Variants in DIS3L2 observed in about 807,000 individuals in gnomAD.
DIS3L2 encodes DIS3 like 3'-5' exoribonuclease 2.
DIS3L2 carries 34 observed loss-of-function variants against 97.5 expected under a neutral mutation model. That is an observed-to-expected ratio of 0.35 (90% CI 0.27 to 0.46). The LOEUF (loss-of-function observed/expected upper bound fraction) is 0.46. Ranked by LOEUF, DIS3L2 falls within the 20% of genes least tolerant of loss-of-function variation. The pLI, the probability that DIS3L2 is intolerant of heterozygous loss-of-function variation, is 1.00. For missense variants in DIS3L2, 1,038 were observed against 1,146.0 expected (o/e 0.91, Z 1.36); for synonymous variants, 435 against 445.2 (o/e 0.98, Z 0.29).
intron 16 of DIS3L2, chr2:232,331,930 T>C (rs1353232634): frequency 6.6e-6 from 1 of 152,242 alleles, no homozygotes; most frequent in African/African-American, 2.4e-5. Flanking sequence ...TTACCAGGTC[T>C]GCGGTGCTCC....
In DIS3L2 at chr2:232,283,723, C is replaced by T. The variant is rs559337975; in HGVS notation, c.1660-16317C>T. Among the ~76,000 whole-genome samples the T allele has an allele frequency of 3.9e-5, 6 of 152,242 alleles. No individual in the cohort carries two copies. The South Asian group carries it at 1.2e-3, about 32-fold the overall frequency. ...CTGTATGATTCCATTTAGGTAACAT[C>T]CTCAAAATGACAGATTTATAGAGAA... On this transcript the variant is annotated intron_variant, in intron 13 of 20. Transcript: ENST00000325385.
chr2:232,060,804 A>T (rs1695682694), intron 5 of DIS3L2, among the ~76,000 whole-genome samples: 1 of 152,080 alleles, frequency 6.6e-6, no homozygotes, highest in African/African-American at 2.4e-5. Context: ...ATATCTTTCC[A>T]TTTTTTGTGT....
chr2:232,343,350 C>T lies in DIS3L2; in HGVS notation c.1587C>T (p.Asn529=), dbSNP rs556095213. 2.3e-4 allele frequency: 358 copies of T among 1,555,946 alleles called. 1 individual carries two copies. The African/African-American group carries it at 3.6e-3, about 16-fold the overall frequency. Residue 529 remains asparagine, a synonymous_variant, in exon 14 of 14, where the codon AAC becomes AAT. Transcript: ENST00000273009. ...AGACACGGAAAAGGGCCCAGCAGAA[C>T]GCAGACAAGGATGGGGCTGCCCATC... is the stretch of plus-strand genomic sequence containing the variant.
intron 1 of DIS3L2, among the ~76,000 whole-genome samples, chr2:231,982,983 A>G (rs1172408877): frequency 6.6e-6 from 1 of 152,174 alleles, no homozygotes; most frequent in Non-Finnish European, 1.5e-5. Flanking sequence ...CCCAGCCTCA[A>G]GCATCTTTTA....
chr2:232,203,717 G>A (rs1691957259), intron 9 of DIS3L2, among the ~76,000 whole-genome samples: 1 of 152,206 alleles, frequency 6.6e-6, no homozygotes, highest in Non-Finnish European at 1.5e-5. Context: ...AGTGGCTGTT[G>A]CCATCAGAGA....
intron 14 of DIS3L2, among the ~76,000 whole-genome samples, chr2:232,320,178 C>CT (rs1695387588): frequency 6.9e-6 from 1 of 145,688 alleles, no homozygotes; most frequent in East Asian, 2.1e-4. Flanking sequence ...CCAGAATGTT[C>CT]TGGGGGGGGT....
At chr2:231,974,401 G>T (rs1400952466) in intron 1 of DIS3L2, among the ~76,000 whole-genome samples, 4 of 151,636 alleles carry the variant, frequency 2.6e-5, no homozygotes, top group Non-Finnish European at 5.9e-5. Context: ...TTCCTTCTTT[G>T]TTTCATTTTG....
rs181106332 is a variant in DIS3L2 at position 232,333,402 on chromosome 2, A to T, written c.2011-438A>T. The stretch of plus-strand genomic sequence containing the variant: ...CCCCGGCCCCATGCTGGGGAAGGGT[A>T]GGCCAGAGACTCTTCCCTCCTGGTG... On this transcript the variant is annotated intron_variant, in intron 16 of 20. Coordinates refer to ENST00000325385, the MANE Select transcript of DIS3L2 (RefSeq NM_152383.5). 1.9e-3 allele frequency among the ~76,000 whole-genome samples: 266 copies of T among 142,386 alleles called. 3 individuals carry two copies. In the Admixed American group the frequency reaches 0.02, roughly 11 times the overall value. 93.4% of individuals were successfully genotyped at this position (142,386 alleles called of 152,430 possible). A position where few individuals can be genotyped will look rare whatever the true frequency, so the allele number is the denominator to read the frequency against.
Position 232,041,438 on chromosome 2 carries a change from C to T in DIS3L2, c.366+11358C>T, listed in dbSNP as rs373972417. 3.9e-5 allele frequency among the ~76,000 whole-genome samples: 6 copies of T among 152,096 alleles called. No individual in the cohort carries two copies. In the East Asian group the frequency reaches 5.8e-4, roughly 15 times the overall value. ...AAATGTGGGACTGTTTTGTTATAAG[C>T]AGAGTGGTAGAAGCAGCCACTGGGC... is the stretch of plus-strand genomic sequence containing the variant. On this transcript the variant is annotated intron_variant, in intron 5 of 20. Transcript: ENST00000325385.
In DIS3L2 at chr2:232,168,744, TAA is replaced by T. The variant is rs1690897113; in HGVS notation, c.1124+5113_1124+5114del. Among the ~76,000 whole-genome samples the T allele has an allele frequency of 3.3e-5, 5 of 152,202 alleles. No individual in the cohort carries two copies. The South Asian group carries it at 1.0e-3, about 32-fold the overall frequency. On this transcript the variant is annotated intron_variant, in intron 9 of 20. Coordinates refer to ENST00000325385, the MANE Select transcript of DIS3L2 (RefSeq NM_152383.5). Reference sequence around the variant, plus strand: ...ATTCATGTAGTTATGTAGTGTCAGTTAATTCCTTATTTTTAACACACATAAAG... The same window carrying T: ...ATTCATGTAGTTATGTAGTGTCAGTTTTCCTTATTTTTAACACACATAAAG...
In DIS3L2 at chr2:232,293,229, G is replaced by A. The variant is rs1434638064; in HGVS notation, c.1660-6811G>A. ...ACACCTGAACACTGAGAGTGTCTGAGCCACAGCTGGTCATCTGGTGGCAAT... is the reference window on the plus strand; with the variant it reads ...ACACCTGAACACTGAGAGTGTCTGAACCACAGCTGGTCATCTGGTGGCAAT... On this transcript the variant is annotated intron_variant, in intron 13 of 20. Coordinates refer to ENST00000325385, the MANE Select transcript of DIS3L2 (RefSeq NM_152383.5). This position sits in a 1 kb window ranked among gnomAD's most constrained non-coding sequence, Gnocchi z 4.6. Among the ~76,000 whole-genome samples the A allele has an allele frequency of 1.3e-5, 2 of 152,170 alleles. No homozygotes were observed. Among genetic ancestry groups the A allele is most frequent in the Non-Finnish European group, 2.9e-5 (2 of 68,040 alleles).
At chr2:232,006,113 G>A (rs1383019866) in intron 1 of DIS3L2, among the ~76,000 whole-genome samples, 1 of 152,208 alleles carries the variant, frequency 6.6e-6, no homozygotes, top group East Asian at 1.9e-4. Context: ...CTTGAACCCG[G>A]GAGGCAGAGG....
At chr2:232,206,661 G>C (rs1184569729) in intron 9 of DIS3L2, among the ~76,000 whole-genome samples, 2 of 152,202 alleles carry the variant, frequency 1.3e-5, no homozygotes, top group Non-Finnish European at 2.9e-5. Flanking sequence ...CAGGAATAAT[G>C]TTTGGATGGC....
downstream of DIS3L2, among the ~76,000 whole-genome samples, chr2:232,339,119 CT>C (rs749194111): frequency 4.6e-4 from 70 of 152,268 alleles, no homozygotes; most frequent in Admixed American, 2.4e-3. Context: ...AGCTGAAGCT[CT>C]CAAGAGTTTG....
At chr2:232,005,724 T>A (rs1196743182) in intron 1 of DIS3L2, among the ~76,000 whole-genome samples, 3 of 152,222 alleles carry the variant, frequency 2.0e-5, no homozygotes, top group African/African-American at 7.2e-5. Context: ...TTAACCCAAT[T>A]TGTTTTTAAG....
At chr2:232,270,891 TCTCTCTCTCTCTCTC>T (rs1242156322) in intron 13 of DIS3L2, among the ~76,000 whole-genome samples, 3 of 148,610 alleles carry the variant, frequency 2.0e-5, no homozygotes, top group African/African-American at 7.6e-5. Flanking sequence ...TCTCTCTCTC[TCTCTCTCTCTCTCTC>T]TCTCTCTCTG....
chr2:232,311,252 A>G (rs1197163705), intron 14 of DIS3L2, among the ~76,000 whole-genome samples: 1 of 152,258 alleles, frequency 6.6e-6, no homozygotes, highest in Non-Finnish European at 1.5e-5. Flanking sequence ...GTCTCAGCAT[A>G]TAGTGTGACT....
At chr2:232,238,715 C>A in intron 11 of DIS3L2, 70 bp downstream of exon 11, 1 of 1,354,570 alleles carries the variant, frequency 7.4e-7, no homozygotes, top group Non-Finnish European at 1.0e-6. Flanking sequence ...AGAGTGTGTG[C>A]TCTCTGTTAT....
chr2:232,203,058 G>C lies in DIS3L2; in HGVS notation c.1125-7268G>C, dbSNP rs113106219. 1.2e-4 allele frequency among the ~76,000 whole-genome samples: 19 copies of C among 152,196 alleles called. 2 individuals are homozygous for C. The highest frequency in any genetic ancestry group is 4.6e-4 in the African/African-American group (19 of 41,520). ...GTACAATTGGGAACACATCCCTGTG[G>C]GTGAATGATCCAGCTCTTCAGTTGT... On this transcript the variant is annotated intron_variant, in intron 9 of 20. Transcript: ENST00000325385.
Sources: gnomAD v4.1 joint callset for allele counts (sites outside exome capture counted in the v4.1 genomes callset) on GRCh38, gnomAD v4.1.1 for gene constraint, Gnocchi (gnomAD v3.1) non-coding constraint, MANE v1.5 for transcripts, NCBI Gene and HGNC (gene_info 2026-07-23, HGNC 2026-07-21) for gene names.